The following APH1B variants were observed in gnomAD, a reference collection of about 807,000 sequenced individuals.
APH1B encodes gamma-secretase subunit APH-1B.
In APH1B, 27 loss-of-function variants were observed where a neutral mutation model predicts 28.2. The observed-to-expected ratio is 0.96, with a 90% CI of 0.70 to 1.32. The LOEUF (loss-of-function observed/expected upper bound fraction) is 1.32, where lower values mean the gene tolerates loss of function less well. APH1B is among the 40% of genes most tolerant of loss of function. The probability of loss-of-function intolerance (pLI) is 0.00; values close to 1 mark genes in which losing one functional copy is unlikely to be tolerated. For synonymous variants in APH1B, 141 were observed against 124.6 expected (o/e 1.13, Z -0.88); for missense variants, 305 against 313.6 (o/e 0.97, Z 0.21).
At chr15:63,305,164 T>G (rs1184485342) in intron 5 of APH1B, among the ~76,000 whole-genome samples, 1 of 152,234 alleles carries the variant, frequency 6.6e-6, no homozygotes. Context: ...ATTCCATTAG[T>G]GTTCTTTAAA....
intron 1 of APH1B, 107 bp downstream of exon 1, chr15:63,277,843 C>A: frequency 1.8e-6 from 2 of 1,107,428 alleles, no homozygotes; most frequent in Non-Finnish European, 2.6e-6. Context: ...TGTTGCGTTT[C>A]AGACGGGAGG....
intron 5 of APH1B, 83 bp downstream of exon 5, chr15:63,302,555 T>TA (rs1402426987): frequency 6.7e-7 from 1 of 1,489,710 alleles, no homozygotes; most frequent in East Asian, 2.4e-5. Context: ...CTAGATGAAA[T>TA]ACACGCTCAT....
At chr15:63,279,799 T>C (rs1332373006) in intron 2 of APH1B, among the ~76,000 whole-genome samples, 2 of 150,204 alleles carry the variant, frequency 1.3e-5, no homozygotes, top group African/African-American at 4.9e-5. Context: ...GTTAATTCTT[T>C]TTTTTTTTTT....
At chr15:63,300,826 A>G (rs74022908) in intron 4 of APH1B, among the ~76,000 whole-genome samples, 1 of 152,188 alleles carries the variant, frequency 6.6e-6, no homozygotes, top group African/African-American at 2.4e-5. Context: ...TTTTTTCACG[A>G]TACGGTTTTC....
intron 4 of APH1B, chr15:63,292,028 A>T (rs1214370565): frequency 1.3e-5 from 2 of 152,198 alleles, no homozygotes; most frequent in African/African-American, 4.8e-5. Flanking sequence ...TTGTTACTGT[A>T]ACCCAATACA....
chr15:63,279,922 C>T (rs909441680), intron 2 of APH1B, among the ~76,000 whole-genome samples: 2 of 151,924 alleles, frequency 1.3e-5, no homozygotes, highest in South Asian at 2.1e-4. Flanking sequence ...CTCAGCCTCC[C>T]GAGTAGCTGG....
intron 1 of APH1B, 149 bp from the exon 2 acceptor site, chr15:63,279,012 G>C (rs1337550165): frequency 1.7e-6 from 1 of 591,160 alleles, no homozygotes; most frequent in Non-Finnish European, 2.7e-6. Context: ...CAACTGATCA[G>C]AGTATCACTT....
chr15:63,300,985 T>C (rs2038621378), intron 4 of APH1B, among the ~76,000 whole-genome samples: 1 of 152,382 alleles, frequency 6.6e-6, no homozygotes, highest in Admixed American at 6.5e-5. Context: ...AACTTATATA[T>C]GCTCCTTGTG....
rs1014721768 is a variant in APH1B, at chr15:63,304,885, C to T, written c.607-729C>T. 1.3e-5 allele frequency among the ~76,000 whole-genome samples: 2 copies of T among 152,206 alleles called. No homozygotes were observed. Among genetic ancestry groups the T allele is most frequent in the African/African-American group, 2.4e-5 (1 of 41,450 alleles). ...AAATGCTCAATGCCTGCCATGCCCACGGAGGCCTCTTGAGAAGAGCAGTCT... is the reference window on the plus strand; with the variant it reads ...AAATGCTCAATGCCTGCCATGCCCATGGAGGCCTCTTGAGAAGAGCAGTCT... On this transcript the variant is annotated intron_variant, in intron 5 of 5. Coordinates refer to ENST00000261879, the MANE Select transcript of APH1B (RefSeq NM_031301.4). The surrounding 1 kb of genome is among the most constrained non-coding windows in gnomAD (Gnocchi z 5.1).
rs924514163 is a variant in APH1B, at chr15:63,304,332, A to C, written c.607-1282A>C. 1.3e-5 allele frequency among the ~76,000 whole-genome samples: 2 copies of C among 152,156 alleles called. No homozygotes were observed. The highest frequency in any genetic ancestry group is 1.3e-4 in the Admixed American group (2 of 15,278). On this transcript the variant is annotated intron_variant, in intron 5 of 5. Coordinates refer to ENST00000261879, the MANE Select transcript of APH1B (RefSeq NM_031301.4). This position sits in a 1 kb window ranked among gnomAD's most constrained non-coding sequence, Gnocchi z 5.1. ...TTTGATTTTCATCTAGGTGCTAGTT[A>C]CACAGGTGTGTTCATGCTGGGAAAA...
chr15:63,290,020 G>C (rs959664501), intron 4 of APH1B, among the ~76,000 whole-genome samples: 1 of 151,190 alleles, frequency 6.6e-6, no homozygotes, highest in African/African-American at 2.4e-5. Flanking sequence ...AAAAAAAAAA[G>C]AATTTCATGT....
intron 4 of APH1B, among the ~76,000 whole-genome samples, chr15:63,297,733 A>T (rs888175024): frequency 1.5e-4 from 23 of 152,172 alleles, no homozygotes; most frequent in Non-Finnish European, 2.9e-4. Flanking sequence ...AATAGGATGT[A>T]TGTAGCTGTA....
At chr15:63,293,739 G>A (rs912596307) in intron 4 of APH1B, among the ~76,000 whole-genome samples, 24 of 152,040 alleles carry the variant, frequency 1.6e-4, no homozygotes, top group African/African-American at 5.8e-4. Context: ...CTCGTCATCT[G>A]CCCGCTTTGG....
At chr15:63,283,643 C>T (rs1461601148) in intron 2 of APH1B, among the ~76,000 whole-genome samples, 1 of 152,130 alleles carries the variant, frequency 6.6e-6, no homozygotes, top group Non-Finnish European at 1.5e-5. Context: ...TCTGTGTTGT[C>T]TCTTCACTTT....
Position 63,305,902 on chromosome 15 carries a change from T to C in APH1B, c.*121T>C. The C allele has an allele frequency of 7.7e-7, 1 of 1,300,978 alleles. No individual in the cohort carries two copies. Among genetic ancestry groups the C allele is most frequent in the South Asian group, 1.5e-5 (1 of 65,076 alleles). 80.6% of individuals were successfully genotyped at this position (1,300,978 alleles called of 1,614,324 possible). A position where few individuals can be genotyped will look rare whatever the true frequency, so the allele number is the denominator to read the frequency against. On this transcript the variant is annotated 3_prime_UTR_variant, in exon 6 of 6. Transcript: ENST00000261879. Reference sequence around the variant, plus strand: ...AGAAAGAAATAAAACTATGCAGATATGCGTTCCATTCACTTGGCTTTCACA... The same window carrying C: ...AGAAAGAAATAAAACTATGCAGATACGCGTTCCATTCACTTGGCTTTCACA...
chr15:63,305,767 C>G lies in APH1B; in HGVS notation c.760C>G (p.Gln254Glu). Reference sequence around the variant, plus strand: ...AGACAAGAACTTTCTTCTTTACAACCAGCGCTCCAGATAACCTCAGGGAAC... The same window carrying G: ...AGACAAGAACTTTCTTCTTTACAACGAGCGCTCCAGATAACCTCAGGGAAC... Reference protein sequence around the residue: ...CQDKNFLLYNQRSR With the variant: ...CQDKNFLLYNERSR The change falls in exon 6 of 6, where the codon CAG (glutamine) becomes GAG (glutamate). Residue 254 changes from glutamine (Q) to glutamate (E), a missense_variant. Coordinates refer to ENST00000261879, the MANE Select transcript of APH1B (RefSeq NM_031301.4). 1 of 1,613,982 alleles carries G rather than the reference C, an allele frequency of 6.2e-7. No homozygotes were observed. Among genetic ancestry groups the G allele is most frequent in the Non-Finnish European group, 8.5e-7 (1 of 1,179,978 alleles).
At chr15:63,281,838 A>G (rs2038392478) in intron 2 of APH1B, among the ~76,000 whole-genome samples, 1 of 151,714 alleles carries the variant, frequency 6.6e-6, no homozygotes, top group Non-Finnish European at 1.5e-5. Flanking sequence ...TAATGAGGGC[A>G]GGAAAGGAGT....
chr15:63,288,620 A>G (rs1375141579), intron 4 of APH1B, among the ~76,000 whole-genome samples: 2 of 152,238 alleles, frequency 1.3e-5, no homozygotes, highest in Admixed American at 6.5e-5. Context: ...CAGGGCCTAG[A>G]GGAGAGAGTC....
intron 2 of APH1B, among the ~76,000 whole-genome samples, chr15:63,286,154 C>T (rs1157088523): frequency 6.6e-6 from 1 of 151,982 alleles, no homozygotes; most frequent in African/African-American, 2.4e-5. Context: ...GAACAAAGTG[C>T]CAACAAAGCA....
Sources: allele counts gnomAD v4.1 joint callset (sites outside exome capture counted in the v4.1 genomes callset), GRCh38; gene constraint gnomAD v4.1.1; non-coding constraint Gnocchi (gnomAD v3.1); transcripts MANE v1.5; gene names NCBI Gene and HGNC (gene_info 2026-07-23, HGNC 2026-07-21).